Variants in NUP210 observed in about 807,000 individuals in gnomAD.
NUP210 encodes the protein nucleoporin 210.
NUP210 carries 151 observed loss-of-function variants against 196.0 expected under a neutral mutation model. The observed-to-expected ratio is 0.77, with a 90% confidence interval of 0.67 to 0.88. The LOEUF (loss-of-function observed/expected upper bound fraction) is 0.88, where lower values mean the gene tolerates loss of function less well. NUP210 is among the 40% of genes least tolerant of loss of function. The probability of loss-of-function intolerance (pLI) is 0.00; values close to 1 mark genes in which losing one functional copy is unlikely to be tolerated. For missense variants in NUP210, 2,314 were observed against 2,493.7 expected (o/e 0.93, Z 1.53); for synonymous variants, 1,070 against 1,052.7 (o/e 1.02, Z -0.32).
At chr3:13,370,869 C>T (rs915646203) in intron 13 of NUP210, among the ~76,000 whole-genome samples, 5 of 152,236 alleles carry the variant, frequency 3.3e-5, no homozygotes, top group Admixed American at 2.6e-4. Flanking sequence ...GATCACATCG[C>T]TCTTCTGTTC....
intron 1 of NUP210, among the ~76,000 whole-genome samples, chr3:13,403,882 C>G (rs61157349): frequency 0.037 from 5,608 of 152,224 alleles, 147 homozygotes; most frequent in Middle Eastern, 0.075. Flanking sequence ...GCTGGCTGAG[C>G]TCTGTGCAAC....
chr3:13,332,301 C>T lies in NUP210; in HGVS notation c.3927G>A (p.Gln1309=). Residue 1309 remains glutamine, a synonymous_variant, in exon 29 of 40, where the codon CAG becomes CAA. Transcript: ENST00000254508. ...LMSPNSYIKL[Q]TNRDGAASLS... The stretch of plus-strand genomic sequence containing the variant: ...AGAGCTGAGTCACGTACCTGTTTGT[C>T]TGCAGCTTTATATATGAGTTGGGCG... 2 of 1,613,390 alleles carry T rather than the reference C, an allele frequency of 1.2e-6. No homozygotes were observed. Among genetic ancestry groups the T allele is most frequent in the African/African-American group, 1.3e-5 (1 of 75,046 alleles).
chr3:13,317,900 C>T (rs1389841351), intron 39 of NUP210, 119 bp from the exon 40 acceptor site: 10 of 685,216 alleles, frequency 1.5e-5, no homozygotes, highest in Admixed American at 2.7e-5. Flanking sequence ...AGTGATGCCC[C>T]GAGGCCTCCC....
In NUP210 at chr3:13,317,455, G is replaced by A; in HGVS notation, c.*226C>T. The A allele has an allele frequency of 1.8e-6, 1 of 555,772 alleles. No homozygotes were observed. The highest frequency in any genetic ancestry group is 3.2e-6 in the Non-Finnish European group (1 of 311,208). 34.4% of individuals were successfully genotyped at this position (555,772 alleles called of 1,614,324 possible). A position where few individuals can be genotyped will look rare whatever the true frequency, so the allele number is the denominator to read the frequency against. ...GAATGAGCCAAAAAGTCTTAGCTTTGTAAGACTTGAAAGGAAAAAAACACA... is the reference window on the plus strand; with the variant it reads ...GAATGAGCCAAAAAGTCTTAGCTTTATAAGACTTGAAAGGAAAAAAACACA... On this transcript the variant is annotated 3_prime_UTR_variant, in exon 40 of 40. Coordinates refer to ENST00000254508, the MANE Select transcript of NUP210 (RefSeq NM_024923.4).
intron 1 of NUP210, among the ~76,000 whole-genome samples, chr3:13,411,600 T>G (rs1473090250): frequency 1.3e-5 from 2 of 151,928 alleles, no homozygotes; most frequent in Non-Finnish European, 2.9e-5. Context: ...AGCCCCTGCC[T>G]CTGGACCTGC....
Position 13,325,939 on chromosome 3 carries a change from G to A in NUP210, c.4508-8C>T. ...TCCAGGTTCCTGAGAGGCCTGGAGAGGAAGCACAGGTGTCAGCCCCCTTTC... is the reference window on the plus strand; with the variant it reads ...TCCAGGTTCCTGAGAGGCCTGGAGAAGAAGCACAGGTGTCAGCCCCCTTTC... On this transcript the variant is annotated splice_region_variant and splice_polypyrimidine_tract_variant and intron_variant, in intron 32 of 39. Coordinates refer to ENST00000254508, the MANE Select transcript of NUP210 (RefSeq NM_024923.4). The A allele has an allele frequency of 6.2e-7, 1 of 1,613,614 alleles. No homozygotes were observed.
rs1196345845 is a variant in NUP210 at position 13,342,138 on chromosome 3, C to T, written c.2965-15G>A. 3 of 1,613,816 alleles carry T rather than the reference C, an allele frequency of 1.9e-6. No individual in the cohort carries two copies. The South Asian group carries it at 3.3e-5, about 18-fold the overall frequency. Reference sequence around the variant, plus strand: ...CCAATCTCCACCTGCATCATGGGGACAGAGGTTCAGGGGCAGCCTCCAAAA... The same window carrying T: ...CCAATCTCCACCTGCATCATGGGGATAGAGGTTCAGGGGCAGCCTCCAAAA... On this transcript the variant is annotated splice_polypyrimidine_tract_variant and intron_variant, in intron 21 of 39. Coordinates refer to ENST00000254508, the MANE Select transcript of NUP210 (RefSeq NM_024923.4).
intron 20 of NUP210, 39 bp from the exon 21 acceptor site, chr3:13,343,342 G>GGGGGGGGGGGGGGGGGGGGGGGGGGGGT: frequency 1.4e-5 from 9 of 655,986 alleles, no homozygotes; most frequent in East Asian, 8.9e-5. Flanking sequence ...TGGGTGGTGG[G>GGGGGGGGGGGGGGGGGGGGGGGGGGGGT]TTACGCAGCT....
intron 8 of NUP210, among the ~76,000 whole-genome samples, chr3:13,377,962 C>A (rs945217383): frequency 3.3e-5 from 5 of 152,218 alleles, no homozygotes; most frequent in Non-Finnish European, 7.3e-5. Flanking sequence ...GGAGGCCCCA[C>A]AACTATGGCC....
chr3:13,408,765 GT>G (rs575102762), intron 1 of NUP210, among the ~76,000 whole-genome samples: 1 of 146,998 alleles, frequency 6.8e-6, no homozygotes, highest in South Asian at 2.2e-4. Flanking sequence ...TCCAGCCTGA[GT>G]GACAGGGAGA....
intron 14 of NUP210, among the ~76,000 whole-genome samples, chr3:13,360,694 T>A (rs888123494): frequency 1.3e-5 from 2 of 151,730 alleles, no homozygotes; most frequent in African/African-American, 4.8e-5. Flanking sequence ...GTAGATAGAA[T>A]TAAGCCCTCA....
At position 13,347,535 on chromosome 3, in the gene NUP210, T is replaced by C. The variant is rs1274198913; in HGVS notation, c.2836-4232A>G. Among the ~76,000 whole-genome samples the C allele has an allele frequency of 6.6e-6, 1 of 152,156 alleles. No individual in the cohort carries two copies. Among genetic ancestry groups the C allele is most frequent in the Non-Finnish European group, 1.5e-5 (1 of 68,034 alleles). On this transcript the variant is annotated intron_variant, in intron 20 of 39. Transcript: ENST00000254508. The surrounding 1 kb of genome is among the most constrained non-coding windows in gnomAD (Gnocchi z 4.7). ...GGCCCTGCACAGTCCATGTCCACTG[T>C]GTGGGGATAAAAACCCCCACAGGAC...
chr3:13,323,362 G>C lies in NUP210; in HGVS notation c.4715C>G (p.Ala1572Gly). Residue 1572 changes from alanine (A) to glycine (G), a missense_variant, in exon 34 of 40, where the codon GCT (alanine) becomes GGT (glycine). Ala to Gly is a moderately conservative substitution (Grantham distance 60). Coordinates refer to ENST00000254508, the MANE Select transcript of NUP210 (RefSeq NM_024923.4). This position sits in a 1 kb window ranked among gnomAD's most constrained non-coding sequence, Gnocchi z 4.3. ...GGCAACAATCACTTTGGAGGCTGTA[G>C]CCTCCTGGAAGCTGGTCTGGATGGG... ...LHPIQTSFQE[A>G]TASKVIVAVG... 6.2e-7 allele frequency: 1 copy of C among 1,614,138 alleles called. No individual in the cohort carries two copies.
chr3:13,346,763 G>A (rs893169592), intron 20 of NUP210, among the ~76,000 whole-genome samples: 11 of 152,292 alleles, frequency 7.2e-5, no homozygotes, highest in East Asian at 5.8e-4. Context: ...TGGAGTCATC[G>A]GCTTCCATTT....
intron 1 of NUP210, among the ~76,000 whole-genome samples, chr3:13,406,736 A>G (rs779354697): frequency 1.7e-4 from 26 of 152,096 alleles, no homozygotes; most frequent in Non-Finnish European, 3.7e-4. Context: ...CTCTAAAAGG[A>G]CACTTGGTCC....
At chr3:13,381,992 T>C (rs1288911730) in intron 6 of NUP210, among the ~76,000 whole-genome samples, 1 of 152,146 alleles carries the variant, frequency 6.6e-6, no homozygotes. Flanking sequence ...CCAGATACAT[T>C]AGTTCTGAGC....
Position 13,420,017 on chromosome 3 carries a change from AGCCCGGCCCACGGCGCCC to A in NUP210, c.167+25_167+42del. ...GCCCAGCCTCTCAGCGCGAAGGCCCAGCCCGGCCCACGGCGCCCGCCCGGCCCGGCCGCGCGCCTCACC... is the reference window on the plus strand; with the variant it reads ...GCCCAGCCTCTCAGCGCGAAGGCCCAGCCCGGCCCGGCCGCGCGCCTCACC... On this transcript the variant is annotated intron_variant, in intron 1 of 39. Coordinates refer to ENST00000254508, the MANE Select transcript of NUP210 (RefSeq NM_024923.4). The surrounding 1 kb of genome is among the most constrained non-coding windows in gnomAD (Gnocchi z 4.8). The A allele has an allele frequency of 8.7e-7, 1 of 1,146,128 alleles. No individual in the cohort carries two copies. The highest frequency in any genetic ancestry group is 1.1e-6 in the Non-Finnish European group (1 of 929,706). The allele number at this position is 1,146,128 out of a possible 1,614,324, so 71.0% of individuals were successfully genotyped here.
intron 14 of NUP210, among the ~76,000 whole-genome samples, chr3:13,365,533 A>G (rs1698499648): frequency 6.6e-6 from 1 of 152,220 alleles, no homozygotes; most frequent in Non-Finnish European, 1.5e-5. Flanking sequence ...AGCATCTGCC[A>G]TACCACACGG....
intron 25 of NUP210, among the ~76,000 whole-genome samples, chr3:13,338,767 T>A (rs1010541524): frequency 2.0e-5 from 3 of 152,152 alleles, no homozygotes; most frequent in African/African-American, 7.2e-5. Context: ...ATAGGGCTCG[T>A]GGTGCAGCCC....
Sources: allele counts gnomAD v4.1 joint callset (sites outside exome capture counted in the v4.1 genomes callset), GRCh38; gene constraint gnomAD v4.1.1; non-coding constraint Gnocchi (gnomAD v3.1); transcripts MANE v1.5; gene names NCBI Gene and HGNC (gene_info 2026-07-23, HGNC 2026-07-21).